SERPINB9: variants seen among roughly 807,000 people sequenced by gnomAD.
SERPINB9 encodes serpin family B member 9.
A neutral mutation model predicts 27.2 loss-of-function variants in SERPINB9; 20 were observed. The observed-to-expected ratio is 0.74, with a 90% confidence interval of 0.52 to 1.07. The LOEUF is 1.07. Ranked by LOEUF, SERPINB9 falls within the 50% of genes least tolerant of loss-of-function variation. The pLI, the probability that SERPINB9 is intolerant of heterozygous loss-of-function variation, is 0.00. For synonymous variants in SERPINB9, 189 were observed against 180.0 expected (o/e 1.05, Z -0.40); for missense variants, 476 against 460.1 (o/e 1.03, Z -0.32).
Position 2,891,980 on chromosome 6 carries a change from T to G in SERPINB9, c.576A>C (p.Gln192His). 1 of 1,613,564 alleles carries G rather than the reference T, an allele frequency of 6.2e-7. No homozygotes were observed. Among genetic ancestry groups the G allele is most frequent in the Non-Finnish European group, 8.5e-7 (1 of 1,179,908 alleles). The change falls in exon 6 of 7, where the codon CAA (glutamine) becomes CAC (histidine). Residue 192 changes from glutamine (Q) to histidine (H), a missense_variant. Gln to His is a conservative substitution (Grantham distance 24). Transcript: ENST00000380698. The surrounding 1 kb of genome is among the most constrained non-coding windows in gnomAD (Gnocchi z 4.0). Reference sequence around the variant, plus strand: ...CCTGATACATCATCTGCACTGGCCTTTGCTCCTCCTGGGGGAAGGATTATT... The same window carrying G: ...CCTGATACATCATCTGCACTGGCCTGTGCTCCTCCTGGGGGAAGGATTATT... ...EMPFKINQEEQRPVQMMYQEA... is the reference protein window; with the variant it reads ...EMPFKINQEEHRPVQMMYQEA...
chr6:2,898,361 A>G (rs949228140), intron 2 of SERPINB9, among the ~76,000 whole-genome samples: 11 of 152,228 alleles, frequency 7.2e-5, no homozygotes, highest in African/African-American at 2.7e-4. Context: ...AGCTAAGACC[A>G]ATTTCACCTG....
At chr6:2,895,570 A>C (rs1274240843) in intron 3 of SERPINB9, 62 bp from the exon 4 acceptor site, 2 of 978,686 alleles carry the variant, frequency 2.0e-6, no homozygotes, top group Non-Finnish European at 3.2e-6. Context: ...GCAAACTTCC[A>C]AAAATTCTAA....
In SERPINB9 at chr6:2,889,994, G is replaced by C; in HGVS notation, c.*169C>G. ...TCAAGATTCTGATTAAGTAGCATAA[G>C]CGAGTGTGGAGCATCATGAATTCAT... On this transcript the variant is annotated 3_prime_UTR_variant, in exon 7 of 7. Transcript: ENST00000380698. 1.8e-6 allele frequency: 1 copy of C among 559,614 alleles called. No individual in the cohort carries two copies. Among genetic ancestry groups the C allele is most frequent in the Non-Finnish European group, 3.1e-6 (1 of 321,944 alleles). The allele number at this position is 559,614 out of a possible 1,614,324, so 34.7% of individuals were successfully genotyped here. A position where few individuals can be genotyped will look rare whatever the true frequency, so the allele number is the denominator to read the frequency against.
Position 2,895,381 on chromosome 6 carries a change from T to G in SERPINB9, c.424+10A>C, listed in dbSNP as rs928322139. The stretch of plus-strand genomic sequence containing the variant: ...GTTGGGAGGAAGGTGCAATAACTTG[T>G]CATTCTGACCTTCGGTCTTTTTTGA... On this transcript the variant is annotated intron_variant, in intron 4 of 6. Coordinates refer to ENST00000380698, the MANE Select transcript of SERPINB9 (RefSeq NM_004155.6). The G allele has an allele frequency of 6.3e-6, 10 of 1,586,664 alleles. No individual in the cohort carries two copies. In the Admixed American group the frequency reaches 1.4e-4, roughly 22 times the overall value.
At chr6:2,895,270 G>A (rs996608026) in intron 4 of SERPINB9, 121 bp downstream of exon 4, 5 of 662,214 alleles carry the variant, frequency 7.6e-6, no homozygotes, top group African/African-American at 5.4e-5. Flanking sequence ...GGTGAGGAGA[G>A]GGAGGAGGGA....
Position 2,894,107 on chromosome 6 carries a change from C to T in SERPINB9, c.425-554G>A, listed in dbSNP as rs1377070826. On this transcript the variant is annotated intron_variant, in intron 4 of 6. Coordinates refer to ENST00000380698, the MANE Select transcript of SERPINB9 (RefSeq NM_004155.6). This position sits in a 1 kb window ranked among gnomAD's most constrained non-coding sequence, Gnocchi z 4.7. ...AGGATGTGGGCAAACAAAGATCACC[C>T]CTTCTTTCCCTGGAGATCAAGTGGT... Among the ~76,000 whole-genome samples, 1 of 152,110 alleles carries T rather than the reference C, an allele frequency of 6.6e-6. No individual in the cohort carries two copies. Among genetic ancestry groups the T allele is most frequent in the Non-Finnish European group, 1.5e-5 (1 of 68,018 alleles).
chr6:2,895,958 CAT>C, intron 3 of SERPINB9, 93 bp downstream of exon 3: 1 of 1,336,858 alleles, frequency 7.5e-7, no homozygotes, highest in South Asian at 1.6e-5. Flanking sequence ...AATTGGTTAA[CAT>C]AAATTTCTCA....
rs570161074 is a variant in SERPINB9, at chr6:2,889,859, A to G, written c.*304T>C. 77 of 299,778 alleles carry G rather than the reference A, an allele frequency of 2.6e-4. No individual in the cohort carries two copies. The South Asian group carries it at 6.0e-3, about 23-fold the overall frequency. The allele number at this position is 299,778 out of a possible 1,614,324, so 18.6% of individuals were successfully genotyped here. A position where few individuals can be genotyped will look rare whatever the true frequency, so the allele number is the denominator to read the frequency against. The stretch of plus-strand genomic sequence containing the variant: ...TGTATTCGCAGTGTCAGGAAAGCAC[A>G]GGGTCGCCAGAGTGAATTGCATGTG... On this transcript the variant is annotated 3_prime_UTR_variant, in exon 7 of 7. Coordinates refer to ENST00000380698, the MANE Select transcript of SERPINB9 (RefSeq NM_004155.6).
rs1416547720 is a variant in SERPINB9 at position 2,889,601 on chromosome 6, A to G, written c.*562T>C. Reference sequence around the variant, plus strand: ...TCCCAGCTACTCGGGAGGCTGAGGCAGGAGAATGGCGTGAACCCGGGAGGC... The same window carrying G: ...TCCCAGCTACTCGGGAGGCTGAGGCGGGAGAATGGCGTGAACCCGGGAGGC... On this transcript the variant is annotated 3_prime_UTR_variant, in exon 7 of 7. Coordinates refer to ENST00000380698, the MANE Select transcript of SERPINB9 (RefSeq NM_004155.6). The G allele has an allele frequency of 6.6e-6, 1 of 151,248 alleles. No homozygotes were observed. Among genetic ancestry groups the G allele is most frequent in the Admixed American group, 6.6e-5 (1 of 15,156 alleles). 9.4% of individuals were successfully genotyped at this position (151,248 alleles called of 1,614,324 possible). A position where few individuals can be genotyped will look rare whatever the true frequency, so the allele number is the denominator to read the frequency against.
chr6:2,900,866 G>A (rs1581201916), intron 1 of SERPINB9, among the ~76,000 whole-genome samples: 2 of 49,700 alleles, frequency 4.0e-5, no homozygotes, highest in Admixed American at 2.0e-4. Context: ...GAACTGGCTC[G>A]CCTGCAGAGC....
chr6:2,890,566 T>A lies in SERPINB9; in HGVS notation c.728A>T (p.Glu243Val). ...PDDGVELSTV[E>V]KSLTFEKLTA... is the part of the protein sequence containing the mutation. ...GAGTTTCTCAAAAGTGAGACTTTTT[T>A]CCACCTGAAAGACCAGAATTAGACT... Residue 243 changes from glutamate to valine, a missense_variant, in exon 7 of 7, where the codon GAA becomes GTA. Transcript: ENST00000380698. The surrounding 1 kb of genome is among the most constrained non-coding windows in gnomAD (Gnocchi z 6.2). 1 of 1,606,356 alleles carries A rather than the reference T, an allele frequency of 6.2e-7. No homozygotes were observed. The highest frequency in any genetic ancestry group is 8.5e-7 in the Non-Finnish European group (1 of 1,173,972).
chr6:2,900,885 T>TCTCTCTCTCACACA (rs61100591), intron 1 of SERPINB9, among the ~76,000 whole-genome samples: 16 of 141,482 alleles, frequency 1.1e-4, no homozygotes, highest in African/African-American at 4.2e-4. Context: ...GCTCGCTCTC[T>TCTCTCTCTCACACA]CACACACACA....
chr6:2,894,766 GTTTGTTT>G lies in SERPINB9; in HGVS notation c.424+618_424+624del. Among the ~76,000 whole-genome samples the G allele has an allele frequency of 6.6e-6, 1 of 152,162 alleles. No individual in the cohort carries two copies. The highest frequency in any genetic ancestry group is 2.1e-4 in the South Asian group (1 of 4,822). ...AGATTCTTTTGACATTTGTTTTTTT[GTTTGTTT>G]TTTGTTTTTGAGACAGGCTGGAGTT... On this transcript the variant is annotated intron_variant, in intron 4 of 6. Transcript: ENST00000380698. This position sits in a 1 kb window ranked among gnomAD's most constrained non-coding sequence, Gnocchi z 4.7.
At chr6:2,900,758 T>A (rs1249741760) in intron 1 of SERPINB9, 137 bp from the exon 2 acceptor site, 6 of 834,036 alleles carry the variant, frequency 7.2e-6, no homozygotes, top group Non-Finnish European at 1.1e-5. Flanking sequence ...TGGAGAAAAA[T>A]TTATTTTCTG....
chr6:2,898,084 AAAACAAAAC>A (rs1480884133), intron 2 of SERPINB9, among the ~76,000 whole-genome samples: 2 of 152,120 alleles, frequency 1.3e-5, no homozygotes, highest in African/African-American at 2.4e-5. Flanking sequence ...CTCAAAAAAC[AAAACAAAAC>A]AAACAAAACA....
Position 2,891,868 on chromosome 6 carries a change from C to G in SERPINB9, c.688G>C (p.Val230Leu), listed in dbSNP as rs771550313. The change falls in exon 6 of 7, where the codon GTG becomes CTG. Residue 230 changes from valine to leucine, a missense_variant. Transcript: ENST00000380698. The surrounding 1 kb of genome is among the most constrained non-coding windows in gnomAD (Gnocchi z 4.0). The part of the protein sequence containing the change: ...PYARKELSLL[V>L]LLPDDGVELS... ...TCCACGCCGTCGTCAGGCAGCAGCA[C>G]CAGCAGGCTCAGCTCCTTCCTGGCG... is the stretch of plus-strand genomic sequence containing the variant. 2.5e-6 allele frequency: 4 copies of G among 1,610,466 alleles called. No individual in the cohort carries two copies. The South Asian group carries it at 3.3e-5, about 13-fold the overall frequency.
chr6:2,901,760 C>A (rs1297893646), intron 1 of SERPINB9, among the ~76,000 whole-genome samples: 2 of 152,084 alleles, frequency 1.3e-5, no homozygotes, highest in African/African-American at 2.4e-5. Flanking sequence ...GCCCTCTACG[C>A]CCACATTTCT....
Position 2,893,423 on chromosome 6 carries a change from A to C in SERPINB9, c.555T>G (p.Phe185Leu), listed in dbSNP as rs1192118823. The change falls in exon 5 of 7, where the codon TTT (phenylalanine) becomes TTG (leucine). Residue 185 changes from phenylalanine to leucine, a missense_variant. Transcript: ENST00000380698. ...AAGCTTCCCCCACCTGGTTTATTTT[A>C]AAGGGCATTTCCCTTGTGTATGTTT... is the stretch of plus-strand genomic sequence containing the variant. Reference protein sequence around the residue: ...FDETYTREMPFKINQEEQRPV... With the variant: ...FDETYTREMPLKINQEEQRPV... The C allele has an allele frequency of 1.9e-6, 3 of 1,605,628 alleles. No individual in the cohort carries two copies. In the East Asian group the frequency reaches 6.7e-5, roughly 36 times the overall value.
At chr6:2,892,080 G>A in intron 5 of SERPINB9, 92 bp from the exon 6 acceptor site, 2 of 620,922 alleles carry the variant, frequency 3.2e-6, no homozygotes, top group African/African-American at 2.5e-5. Flanking sequence ...GATGGAAACC[G>A]CCACATTCAT....
Sources: gnomAD v4.1 joint callset for allele counts (sites outside exome capture counted in the v4.1 genomes callset) on GRCh38, gnomAD v4.1.1 for gene constraint, Gnocchi (gnomAD v3.1) non-coding constraint, MANE v1.5 for transcripts, NCBI Gene and HGNC (gene_info 2026-07-23, HGNC 2026-07-21) for gene names.